RBFOX1: variants seen among roughly 807,000 people sequenced by gnomAD.
The protein encoded by RBFOX1 is RNA binding protein fox-1 homolog 1.
RBFOX1 carries 8 observed loss-of-function variants against 57.7 expected under a neutral mutation model. The ratio of observed to expected loss-of-function variants is 0.14; its 90% CI spans 0.08 to 0.25. The LOEUF is 0.25. Among genes scored for constraint, RBFOX1 ranks in the 10% least tolerant of loss-of-function variants. The pLI is 1.00. For synonymous variants in RBFOX1, 326 were observed against 222.4 expected (o/e 1.47, Z -4.15); for missense variants, 611 against 548.5 (o/e 1.11, Z -1.14).
chr16:5,850,127 C>T (rs1180050835), intron 3 of RBFOX1, among the ~76,000 whole-genome samples: 1 of 152,082 alleles, frequency 6.6e-6, no homozygotes, highest in African/African-American at 2.4e-5. Flanking sequence ...CTCAGCAATT[C>T]AGTGGCTAAG....
At chr16:5,546,317 A>G (rs1325014101) in intron 2 of RBFOX1, among the ~76,000 whole-genome samples, 1 of 152,182 alleles carries the variant, frequency 6.6e-6, no homozygotes, top group Non-Finnish European at 1.5e-5. Flanking sequence ...GAAATTCACA[A>G]GCTGATTTTG....
intron 4 of RBFOX1, among the ~76,000 whole-genome samples, chr16:5,869,519 A>G (rs868708283): frequency 6.6e-6 from 1 of 152,146 alleles, no homozygotes; most frequent in African/African-American, 2.4e-5. Flanking sequence ...CTCCTGCCTC[A>G]GCCTCCCAAG....
At chr16:6,881,748 T>C (rs559184093) in intron 3 of RBFOX1, among the ~76,000 whole-genome samples, 1 of 152,320 alleles carries the variant, frequency 6.6e-6, no homozygotes, top group South Asian at 2.1e-4. Flanking sequence ...GTGCCTACCA[T>C]GAGCCAGGCA....
At chr16:6,240,777 C>A (rs772311284) in intron 1 of RBFOX1, among the ~76,000 whole-genome samples, 5 of 152,096 alleles carry the variant, frequency 3.3e-5, no homozygotes, top group Non-Finnish European at 7.4e-5. Flanking sequence ...TTGGACTTTT[C>A]TATTCCATTT....
In RBFOX1 at chr16:6,352,651, T is replaced by C. The variant is rs191410331; in HGVS notation, c.-64+35594T>C. Among the ~76,000 whole-genome samples the C allele has an allele frequency of 4.7e-4, 71 of 152,346 alleles. No homozygotes were observed. The East Asian group carries it at 0.013, about 28-fold the overall frequency. ...ACCATGCGAAGTCATTCATTACTTT[T>C]AGAAATAATTCATACATTGCTCAAA... On this transcript the variant is annotated intron_variant, in intron 2 of 15. Coordinates refer to ENST00000550418, the MANE Select transcript of RBFOX1 (RefSeq NM_018723.4).
intron 1 of RBFOX1, among the ~76,000 whole-genome samples, chr16:6,055,447 G>A (rs1050020988): frequency 3.3e-5 from 5 of 151,874 alleles, no homozygotes; most frequent in African/African-American, 1.2e-4. Flanking sequence ...ACAAAAATTA[G>A]CGAGGTGTTG....
At chr16:6,930,906 G>A (rs889832917) in intron 3 of RBFOX1, among the ~76,000 whole-genome samples, 4 of 151,680 alleles carry the variant, frequency 2.6e-5, no homozygotes, top group African/African-American at 7.3e-5. Flanking sequence ...CACCATAGCC[G>A]AGTCTTCTGT....
intron 2 of RBFOX1, among the ~76,000 whole-genome samples, chr16:6,424,415 A>G (rs2093863100): frequency 6.6e-6 from 1 of 152,182 alleles, no homozygotes; most frequent in Non-Finnish European, 1.5e-5. Context: ...ATCAATAGGC[A>G]GTAATCCCGT....
chr16:5,829,188 C>A lies in RBFOX1; in HGVS notation c.319-38115C>A, dbSNP rs140585093. Among the ~76,000 whole-genome samples, 37 of 152,310 alleles carry A rather than the reference C, an allele frequency of 2.4e-4. No individual in the cohort carries two copies. In the East Asian group the frequency reaches 5.2e-3, roughly 21 times the overall value. Reference sequence around the variant, plus strand: ...ACCATCTTAGAAGCTGCCTGCCACACTGTGGTTTAAAGGGTGATGAGGAGA... The same window carrying A: ...ACCATCTTAGAAGCTGCCTGCCACAATGTGGTTTAAAGGGTGATGAGGAGA... On this transcript the variant is annotated intron_variant, in intron 3 of 19. Transcript: ENST00000641259.
intron 2 of RBFOX1, among the ~76,000 whole-genome samples, chr16:6,450,619 T>G (rs1208995749): frequency 1.3e-5 from 2 of 149,936 alleles, no homozygotes; most frequent in Non-Finnish European, 3.0e-5. Context: ...TTCCATTTCT[T>G]TACTTTTATC....
chr16:6,933,467 C>T (rs972383926), intron 3 of RBFOX1, among the ~76,000 whole-genome samples: 4 of 152,240 alleles, frequency 2.6e-5, no homozygotes, highest in Non-Finnish European at 4.4e-5. Flanking sequence ...AATCCCGGCT[C>T]TTTGGGAAGC....
At chr16:6,202,182 A>T (rs967785615) in intron 1 of RBFOX1, among the ~76,000 whole-genome samples, 2 of 152,122 alleles carry the variant, frequency 1.3e-5, no homozygotes, top group Non-Finnish European at 2.9e-5. Flanking sequence ...GTTTGAATCC[A>T]CTGGATGTTT....
At chr16:6,929,003 A>T (rs1469529848) in intron 3 of RBFOX1, among the ~76,000 whole-genome samples, 2 of 152,146 alleles carry the variant, frequency 1.3e-5, no homozygotes, top group Non-Finnish European at 2.9e-5. Context: ...TCATTCACAG[A>T]CACGCATGCT....
chr16:5,828,726 T>C (rs924441278), intron 3 of RBFOX1, among the ~76,000 whole-genome samples: 25 of 152,028 alleles, frequency 1.6e-4, no homozygotes, highest in Middle Eastern at 3.4e-3. Flanking sequence ...AATGGAACCT[T>C]GTCAAAGTTG....
chr16:6,594,053 C>T (rs750650482), intron 2 of RBFOX1, among the ~76,000 whole-genome samples: 2 of 152,164 alleles, frequency 1.3e-5, no homozygotes, highest in African/African-American at 2.4e-5. Flanking sequence ...GAACATCACA[C>T]TGTTTGAGGA....
intron 2 of RBFOX1, among the ~76,000 whole-genome samples, chr16:6,583,369 C>T (rs985498132): frequency 3.3e-5 from 5 of 152,140 alleles, no homozygotes; most frequent in African/African-American, 1.2e-4. Context: ...CCTGCTGATG[C>T]CAAACAAGAG....
In RBFOX1 at chr16:6,951,113, C is replaced by T. The variant is rs578086838; in HGVS notation, c.-15-100944C>T. 2.6e-5 allele frequency among the ~76,000 whole-genome samples: 4 copies of T among 152,118 alleles called. No homozygotes were observed. The South Asian group carries it at 6.2e-4, about 24-fold the overall frequency. ...GTAGAGACAGGGACTCCCTATGTTG[C>T]CCAGGCTGGTCTTAAACTCCTGGAC... is the stretch of plus-strand genomic sequence containing the variant. On this transcript the variant is annotated intron_variant, in intron 3 of 15. Transcript: ENST00000550418.
intron 3 of RBFOX1, among the ~76,000 whole-genome samples, chr16:5,864,722 C>G (rs1404358842): frequency 6.6e-6 from 1 of 152,016 alleles, no homozygotes; most frequent in African/African-American, 2.4e-5. Context: ...AGATCAGAAA[C>G]TGGAAGTCCA....
At chr16:5,467,227 C>T (rs1267793804) in exon 2 of RBFOX1, 2 of 1,495,758 alleles carry the variant, frequency 1.3e-6, no homozygotes, top group Admixed American at 2.0e-5. Flanking sequence ...ATCTACTGTG[C>T]CTGCCATACA....
Sources: allele counts gnomAD v4.1 joint callset (sites outside exome capture counted in the v4.1 genomes callset), GRCh38; gene constraint gnomAD v4.1.1; transcripts MANE v1.5; gene names NCBI Gene and HGNC (gene_info 2026-07-23, HGNC 2026-07-21).